SPTBN4: variants seen among roughly 807,000 people sequenced by gnomAD.
The protein encoded by SPTBN4 is spectrin beta chain, non-erythrocytic 4.
Under a neutral mutation model 277.8 loss-of-function variants are expected in SPTBN4, and 96 were observed. The ratio of observed to expected loss-of-function variants is 0.35; its 90% CI spans 0.29 to 0.41. The LOEUF is 0.41. Among genes scored for constraint, SPTBN4 ranks in the 10% least tolerant of loss-of-function variants. The pLI is 1.00. For missense variants in SPTBN4, 3,006 were observed against 3,595.7 expected (o/e 0.84, Z 4.19); for synonymous variants, 1,481 against 1,580.3 (o/e 0.94, Z 1.49).
At chr19:40,498,387 T>G (rs1313258438) in intron 7 of SPTBN4, among the ~76,000 whole-genome samples, 1 of 148,182 alleles carries the variant, frequency 6.7e-6, no homozygotes, top group Admixed American at 6.8e-5. Flanking sequence ...ATTTATTTAT[T>G]TATTTATTTA....
intron 2 of SPTBN4, among the ~76,000 whole-genome samples, chr19:40,474,420 G>C (rs1172913272): frequency 6.6e-6 from 1 of 151,048 alleles, no homozygotes; most frequent in Non-Finnish European, 1.5e-5. Flanking sequence ...CAGTACAGTG[G>C]GTCACCCTAC....
chr19:40,500,661 T>C (rs911862457), intron 7 of SPTBN4, among the ~76,000 whole-genome samples: 4 of 152,102 alleles, frequency 2.6e-5, no homozygotes, highest in Middle Eastern at 3.4e-3. Flanking sequence ...CTATGTTTTA[T>C]AAAAAATAAA....
rs765008431 is a variant in SPTBN4 at position 40,487,784 on chromosome 19, A to G, written c.257A>G (p.Tyr86Cys). 10 of 1,612,682 alleles carry G rather than the reference A, an allele frequency of 6.2e-6. No individual in the cohort carries two copies. Among genetic ancestry groups the G allele is most frequent in the African/African-American group, 2.7e-5 (2 of 74,798 alleles). Residue 86 changes from tyrosine (Y) to cysteine (C), a missense_variant, in exon 3 of 36, where the codon TAT becomes TGT. Tyr to Cys is a radical substitution (Grantham distance 194). Around this residue, in one of 5 missense-constraint regions of SPTBN4, gnomAD observed 114 missense variants for 196.1 expected, o/e 0.58. Transcript: ENST00000598249. ...ARVGCHIGDL[Y>C]VDLRDGFVLT... ...GTGGGCTGCCACATCGGGGACCTCT[A>G]TGTGGACCTCCGGGACGGCTTCGTG...
chr19:40,472,288 G>A (rs534914701), intron 1 of SPTBN4, among the ~76,000 whole-genome samples: 107 of 151,772 alleles, frequency 7.1e-4, no homozygotes, highest in South Asian at 3.7e-3. Context: ...CAAGCAATCC[G>A]CCCTCCTCAG....
At chr19:40,574,357 G>C (rs2081181653) in intron 35 of SPTBN4, among the ~76,000 whole-genome samples, 1 of 151,704 alleles carries the variant, frequency 6.6e-6, no homozygotes. Context: ...ATGCAATGAA[G>C]AAGTGGGCTT....
chr19:40,569,747 GT>G lies in SPTBN4; in HGVS notation c.7026+22del, dbSNP rs758791473. 17 of 1,602,198 alleles carry G rather than the reference GT, an allele frequency of 1.1e-5. No individual in the cohort carries two copies. In the South Asian group the frequency reaches 1.9e-4, roughly 18 times the overall value. ...CTGGGGTAAGTTGAGCCTCGGATGG[GT>G]GGGGATAGGAGGACCCCTTTTTCAG... On this transcript the variant is annotated intron_variant, in intron 32 of 35. Transcript: ENST00000598249.
At chr19:40,493,742 A>G (rs1207799428) in intron 5 of SPTBN4, among the ~76,000 whole-genome samples, 1 of 152,150 alleles carries the variant, frequency 6.6e-6, no homozygotes, top group Non-Finnish European at 1.5e-5. Context: ...TAACAAACAC[A>G]TAAATAAATA....
At chr19:40,556,385 C>T (rs1003820129) in intron 25 of SPTBN4, 97 bp downstream of exon 25, 45 of 1,079,760 alleles carry the variant, frequency 4.2e-5, no homozygotes, top group South Asian at 9.4e-5. Context: ...TAACAGCACC[C>T]GCCTCATGGC....
intron 6 of SPTBN4, 38 bp from the exon 7 acceptor site, chr19:40,497,451 G>A (rs1239126314): frequency 1.3e-6 from 2 of 1,527,556 alleles, no homozygotes; most frequent in South Asian, 2.2e-5. Context: ...CGGCTCTGGA[G>A]CCTGCCTGCT....
rs1237156400 is a variant in SPTBN4 at position 40,575,733 on chromosome 19, AGTG to A, written c.*169_*171del. On this transcript the variant is annotated 3_prime_UTR_variant, in exon 36 of 36. Transcript: ENST00000598249. The stretch of plus-strand genomic sequence containing the variant: ...AGGGGACTTCTCCTGCACCCCAAGA[AGTG>A]GTGGGGAGATTGCTGCCCCTATAGC... The A allele has an allele frequency of 2.3e-6, 2 of 862,912 alleles. No individual in the cohort carries two copies. The highest frequency in any genetic ancestry group is 1.7e-5 in the African/African-American group (1 of 58,140). 53.5% of individuals were successfully genotyped at this position (862,912 alleles called of 1,614,324 possible). A position where few individuals can be genotyped will look rare whatever the true frequency, so the allele number is the denominator to read the frequency against.
At chr19:40,468,523 C>G (rs904784928) in intron 1 of SPTBN4, among the ~76,000 whole-genome samples, 1 of 152,096 alleles carries the variant, frequency 6.6e-6, no homozygotes, top group Non-Finnish European at 1.5e-5. Context: ...ACTACAGACA[C>G]GTGCCACCAC....
intron 26 of SPTBN4, among the ~76,000 whole-genome samples, chr19:40,559,019 C>A (rs1367782170): frequency 1.3e-5 from 2 of 151,510 alleles, no homozygotes; most frequent in African/African-American, 4.9e-5. Flanking sequence ...GCAACCTCTG[C>A]TTCCCGGGTT....
chr19:40,570,837 A>T (rs1204886294), intron 33 of SPTBN4, 109 bp downstream of exon 33: 141 of 1,078,876 alleles, frequency 1.3e-4, no homozygotes, highest in Middle Eastern at 6.7e-4. Context: ...GCCCTCCAGC[A>T]GGTGGCGGTA....
At chr19:40,535,575 A>T (rs2080725724) in intron 20 of SPTBN4, among the ~76,000 whole-genome samples, 1 of 148,478 alleles carries the variant, frequency 6.7e-6, no homozygotes, top group South Asian at 2.1e-4. Context: ...AAAAAAAAAA[A>T]GGCTAGTAAG....
intron 20 of SPTBN4, among the ~76,000 whole-genome samples, chr19:40,535,560 CAA>C (rs56829015): frequency 1.6e-3 from 186 of 115,782 alleles, no homozygotes; most frequent in South Asian, 9.4e-3. Context: ...TAGTGTATGG[CAA>C]AAAAAAAAAA....
chr19:40,550,109 A>T, intron 21 of SPTBN4, 129 bp from the exon 22 acceptor site: 1 of 639,248 alleles, frequency 1.6e-6, no homozygotes, highest in African/African-American at 1.9e-5. Context: ...AAAATGGAGG[A>T]GGCTGAATAT....
chr19:40,571,276 C>G (rs1321549275), intron 33 of SPTBN4, among the ~76,000 whole-genome samples: 1 of 151,984 alleles, frequency 6.6e-6, no homozygotes, highest in Non-Finnish European at 1.5e-5. Flanking sequence ...GGTCCGAAAA[C>G]GGGCAGAGCC....
Position 40,565,499 on chromosome 19 carries a change from C to G in SPTBN4, c.5992C>G (p.Leu1998Val). The change falls in exon 28 of 36, where the codon CTG becomes GTG. Residue 1998 changes from leucine (L) to valine (V), a missense_variant. Physicochemically the swap from Leu to Val is conservative, Grantham distance 32. Transcript: ENST00000598249. ...TGAGCTGGAGGCGCGGGTGCCTGAGCTGACCACCTGCCAGGAGCTGGGGCG... is the reference window on the plus strand; with the variant it reads ...TGAGCTGGAGGCGCGGGTGCCTGAGGTGACCACCTGCCAGGAGCTGGGGCG... ...KTELEARVPE[L>V]TTCQELGRSL... 1.2e-6 allele frequency: 2 copies of G among 1,614,152 alleles called. No homozygotes were observed. Among genetic ancestry groups the G allele is most frequent in the Non-Finnish European group, 1.7e-6 (2 of 1,180,034 alleles).
intron 27 of SPTBN4, among the ~76,000 whole-genome samples, 154 bp from the exon 28 acceptor site, chr19:40,565,264 CAAAAA>C (rs71173654): frequency 2.1e-3 from 265 of 128,538 alleles, no homozygotes; most frequent in Middle Eastern, 3.8e-3. Context: ...GACTTTATCT[CAAAAA>C]AAAAAAGAAA....
Sources: allele counts gnomAD v4.1 joint callset (sites outside exome capture counted in the v4.1 genomes callset), GRCh38; gene constraint gnomAD v4.1.1; regional missense constraint gnomAD v4.1.1; transcripts MANE v1.5; gene names NCBI Gene and HGNC (gene_info 2026-07-23, HGNC 2026-07-21).